Variants in RELN observed in about 807,000 individuals in gnomAD.
The protein encoded by RELN is reelin.
RELN carries 108 observed loss-of-function variants against 427.6 expected under a neutral mutation model. The ratio of observed to expected loss-of-function variants is 0.25; its 90% confidence interval spans 0.22 to 0.30. RELN has a LOEUF of 0.30. Ranked by LOEUF, RELN falls within the 10% of genes least tolerant of loss-of-function variation. The pLI is 1.00. For missense variants in RELN, 3,715 were observed against 4,302.8 expected, an observed-to-expected ratio of 0.86 and a Z score of 3.82; for synonymous variants, 1,524 against 1,513.4, an observed-to-expected ratio of 1.01 and a Z score of -0.16.
chr7:103,633,748 T>C (rs1358675210), intron 19 of RELN, among the ~76,000 whole-genome samples: 2 of 152,194 alleles, frequency 1.3e-5, no homozygotes, highest in Non-Finnish European at 2.9e-5. Context: ...TTTGCAGCTG[T>C]CCATCTTTCT....
rs1018672269 is a variant in RELN, at chr7:103,977,048, C to T, written c.226+12083G>A. Among the ~76,000 whole-genome samples, 4 of 151,678 alleles carry T rather than the reference C, an allele frequency of 2.6e-5. No homozygotes were observed. The East Asian group carries it at 5.8e-4, about 22-fold the overall frequency. On this transcript the variant is annotated intron_variant, in intron 1 of 64. Coordinates refer to ENST00000428762, the MANE Select transcript of RELN (RefSeq NM_005045.4). ...TGGCAGTGCCGGGCGTGGGAACTCA[C>T]GCCTGTAATCCCAGCACTTTGGGAG...
intron 1 of RELN, among the ~76,000 whole-genome samples, chr7:103,939,774 C>A (rs1796070315): frequency 6.6e-6 from 1 of 152,124 alleles, no homozygotes; most frequent in Non-Finnish European, 1.5e-5. Context: ...AATTATTGTA[C>A]AATCACCTGA....
intron 57 of RELN, among the ~76,000 whole-genome samples, chr7:103,493,942 T>C (rs548557552): frequency 3.9e-4 from 59 of 152,094 alleles, no homozygotes; most frequent in Non-Finnish European, 6.8e-4. Context: ...TTGCCTTGGT[T>C]ATAGAAAGAG....
intron 25 of RELN, among the ~76,000 whole-genome samples, chr7:103,594,756 T>C (rs1458442972): frequency 6.6e-6 from 1 of 152,224 alleles, no homozygotes; most frequent in East Asian, 1.9e-4. Flanking sequence ...TTCATTGAAC[T>C]ATATCTTTTG....
intron 29 of RELN, among the ~76,000 whole-genome samples, chr7:103,575,009 G>A (rs564496793): frequency 3.9e-5 from 6 of 152,160 alleles, no homozygotes; most frequent in African/African-American, 9.6e-5. Flanking sequence ...AAAAAATAAC[G>A]TTTCCTATAG....
At position 103,630,176 on chromosome 7, in the gene RELN, T is replaced by C. The variant is rs779002595; in HGVS notation, c.2466A>G (p.Arg822=). Residue 822 remains arginine (R), a splice_region_variant and synonymous_variant, in exon 20 of 65, where the codon AGA becomes AGG. Coordinates refer to ENST00000428762, the MANE Select transcript of RELN (RefSeq NM_005045.4). Reference sequence around the variant, plus strand: ...CACCTGGTAGTTCTACGGAGATTATTCTAGAGAAAAAAAAAAAGTCAAAAT... The same window carrying C: ...CACCTGGTAGTTCTACGGAGATTATCCTAGAGAAAAAAAAAAAGTCAAAAT... ...HYSYLSYHEP[R]IISVELPGDA... 5 of 1,599,292 alleles carry C rather than the reference T, an allele frequency of 3.1e-6. No homozygotes were observed. Among genetic ancestry groups the C allele is most frequent in the Non-Finnish European group, 3.4e-6 (4 of 1,167,648 alleles).
At chr7:103,847,370 A>T (rs1200968827) in intron 2 of RELN, among the ~76,000 whole-genome samples, 1 of 152,164 alleles carries the variant, frequency 6.6e-6, no homozygotes, top group Non-Finnish European at 1.5e-5. Flanking sequence ...GAACAATGAG[A>T]ACACACGGAC....
chr7:103,871,071 A>G (rs1384263653), intron 2 of RELN, among the ~76,000 whole-genome samples: 1 of 152,080 alleles, frequency 6.6e-6, no homozygotes, highest in East Asian at 1.9e-4. Flanking sequence ...TTGTCCAGTA[A>G]GTAAAAACCC....
chr7:103,743,559 T>A (rs1790729408), intron 6 of RELN, among the ~76,000 whole-genome samples: 1 of 152,180 alleles, frequency 6.6e-6, no homozygotes. Flanking sequence ...AATAAAGGGA[T>A]GGAGGAAGAT....
At chr7:103,882,951 C>T (rs538400042) in intron 2 of RELN, among the ~76,000 whole-genome samples, 29 of 152,238 alleles carry the variant, frequency 1.9e-4, no homozygotes, top group Admixed American at 5.2e-4. Context: ...CCAGCATCAT[C>T]GTGATACCAA....
rs115598813 is a variant in RELN at position 103,732,100 on chromosome 7, C to T, written c.657-3893G>A. 9.1e-3 allele frequency among the ~76,000 whole-genome samples: 1,381 copies of T among 152,162 alleles called. 32 individuals are homozygous for T. The highest frequency in any genetic ancestry group is 0.031 in the African/African-American group (1,301 of 41,524). On this transcript the variant is annotated intron_variant, in intron 6 of 64. Transcript: ENST00000428762. ...GGAAACTGCCTGCTTTTTAGTTACA[C>T]TGAAAATTGGAGATGATCAGCTGAA...
At chr7:103,689,195 T>A (rs546034252) in intron 10 of RELN, among the ~76,000 whole-genome samples, 2 of 152,110 alleles carry the variant, frequency 1.3e-5, no homozygotes, top group African/African-American at 2.4e-5. Context: ...CAAGTTGACA[T>A]AAATGTGTAG....
chr7:103,800,823 T>C (rs907802728), intron 3 of RELN, among the ~76,000 whole-genome samples: 2 of 152,116 alleles, frequency 1.3e-5, no homozygotes, highest in South Asian at 2.1e-4. Flanking sequence ...ATTTTTGCAA[T>C]CTACTCATCT....
chr7:103,924,991 T>TACACACAC lies in RELN; in HGVS notation c.227-7814_227-7807dup, dbSNP rs57662220. ...ACACACGTGTGCATGCGCATACACA[T>TACACACAC]ACACACACACACACACACACACACA... On this transcript the variant is annotated intron_variant, in intron 1 of 64. Coordinates refer to ENST00000428762, the MANE Select transcript of RELN (RefSeq NM_005045.4). Among the ~76,000 whole-genome samples the TACACACAC allele has an allele frequency of 4.8e-3, 235 of 49,046 alleles. 1 individual carries two copies. Among genetic ancestry groups the TACACACAC allele is most frequent in the East Asian group, 0.014 (23 of 1,604 alleles). 32.2% of individuals were successfully genotyped at this position (49,046 alleles called of 152,430 possible).
chr7:103,580,609 CA>C (rs1310477969), intron 28 of RELN, among the ~76,000 whole-genome samples: 1 of 152,002 alleles, frequency 6.6e-6, no homozygotes, highest in African/African-American at 2.4e-5. Flanking sequence ...TTTGGGGGTA[CA>C]GGTGATTTTT....
chr7:103,677,230 G>T (rs1196138217), intron 11 of RELN, among the ~76,000 whole-genome samples: 1 of 150,502 alleles, frequency 6.6e-6, no homozygotes, highest in Non-Finnish European at 1.5e-5. Context: ...CATGGACATA[G>T]GGAGGGGAAC....
chr7:103,674,630 TG>T (rs751293795), intron 11 of RELN, among the ~76,000 whole-genome samples: 3 of 152,030 alleles, frequency 2.0e-5, no homozygotes, highest in Admixed American at 6.6e-5. Context: ...TGCTTAGAAG[TG>T]GGTGTACTGC....
rs538298440 is a variant in RELN at position 103,576,704 on chromosome 7, C to A, written c.4146-999G>T. ...AAGTTTGTACCGACAGCTCTATTCA[C>A]CTGCGCCTTCCCTCCTTTCCTCTTC... On this transcript the variant is annotated intron_variant, in intron 28 of 64. Coordinates refer to ENST00000428762, the MANE Select transcript of RELN (RefSeq NM_005045.4). Among the ~76,000 whole-genome samples the A allele has an allele frequency of 2.0e-5, 3 of 152,272 alleles. No individual in the cohort carries two copies. In the East Asian group the frequency reaches 5.8e-4, roughly 29 times the overall value.
chr7:103,535,472 T>G lies in RELN; in HGVS notation c.7193A>C (p.Glu2398Ala). The G allele has an allele frequency of 6.2e-7, 1 of 1,613,924 alleles. No individual in the cohort carries two copies. Among genetic ancestry groups the G allele is most frequent in the Non-Finnish European group, 8.5e-7 (1 of 1,179,848 alleles). Residue 2398 changes from glutamate (E) to alanine (A), a missense_variant, in exon 46 of 65, where the codon GAA (glutamate) becomes GCA (alanine). Physicochemically the swap from Glu to Ala is moderately radical, Grantham distance 107 (BLOSUM62 -1). Coordinates refer to ENST00000428762, the MANE Select transcript of RELN (RefSeq NM_005045.4). ...VTDSCYAIEL[E>A]YSVDLGLSWH... ...TGACAATCCAAGATCTACTGAGTAT[T>G]CCAATTCAATCGCTGAAACAGGAAA...
Sources: allele counts gnomAD v4.1 joint callset (sites outside exome capture counted in the v4.1 genomes callset), GRCh38; gene constraint gnomAD v4.1.1; transcripts MANE v1.5; gene names NCBI Gene and HGNC (gene_info 2026-07-23, HGNC 2026-07-21).